The following ZSCAN5A variants were observed in gnomAD, a reference collection of about 807,000 sequenced individuals.
ZSCAN5A encodes zinc finger and SCAN domain containing 5A, also known as zinc finger and SCAN domain-containing protein 5A.
In ZSCAN5A, 12 loss-of-function variants were observed where a neutral mutation model predicts 23.7. That is an observed-to-expected ratio of 0.51 (90% confidence interval 0.32 to 0.82). ZSCAN5A has a LOEUF of 0.82. Among genes scored for constraint, ZSCAN5A ranks in the 40% least tolerant of loss-of-function variants. ZSCAN5A has a pLI of 0.03. For synonymous variants in ZSCAN5A, 257 were observed against 239.9 expected, an observed-to-expected ratio of 1.07 and a Z score of -0.66; for missense variants, 597 against 617.9, an observed-to-expected ratio of 0.97 and a Z score of 0.36.
At position 56,255,128 on chromosome 19, in the gene ZSCAN5A, T is replaced by C. The variant is rs564292422; in HGVS notation, c.-127-29955A>G. ...AAATGGCACGTTATCAGTTTATGATTTGTCGTGTTCTGACATTTTCACAGG... is the reference window on the plus strand; with the variant it reads ...AAATGGCACGTTATCAGTTTATGATCTGTCGTGTTCTGACATTTTCACAGG... On this transcript the variant is annotated intron_variant, in intron 2 of 5. Transcript: ENST00000683990. 5.3e-5 allele frequency among the ~76,000 whole-genome samples: 8 copies of C among 152,280 alleles called. No individual in the cohort carries two copies. The South Asian group carries it at 1.7e-3, about 32-fold the overall frequency.
At chr19:56,249,104 T>C (rs2036164583) in intron 2 of ZSCAN5A, among the ~76,000 whole-genome samples, 2 of 152,098 alleles carry the variant, frequency 1.3e-5, no homozygotes, top group African/African-American at 4.8e-5. Flanking sequence ...AATTCCTGAT[T>C]TGAATCTTGA....
rs535749456 is a variant in ZSCAN5A, at chr19:56,267,607, C to G, written c.-127-42434G>C. Among the ~76,000 whole-genome samples, 365 of 152,324 alleles carry G rather than the reference C, an allele frequency of 2.4e-3. 3 individuals are homozygous for G. The highest frequency in any genetic ancestry group is 3.4e-3 in the Middle Eastern group (1 of 294). ...TGGGTAGCACGGATACAGGACATTC[C>G]TATCACTGCAGAAAGTTCTACTGGA... On this transcript the variant is annotated intron_variant, in intron 2 of 5. Transcript: ENST00000683990.
intron 2 of ZSCAN5A, chr19:56,302,949 A>T: frequency 1.0e-5 from 4 of 398,388 alleles, no homozygotes; most frequent in Non-Finnish European, 1.8e-5. Context: ...CCACAGAGAG[A>T]ACCAGATCAC....
intron 2 of ZSCAN5A, among the ~76,000 whole-genome samples, chr19:56,356,528 A>AAT (rs2041701573): frequency 6.8e-6 from 1 of 148,048 alleles, no homozygotes; most frequent in South Asian, 2.2e-4. Context: ...ACAGGCTGTT[A>AAT]ATATCCTTCT....
At chr19:56,252,277 T>C (rs1207112373) in intron 2 of ZSCAN5A, among the ~76,000 whole-genome samples, 1 of 152,162 alleles carries the variant, frequency 6.6e-6, no homozygotes, top group East Asian at 1.9e-4. Flanking sequence ...CAGGTGCACC[T>C]ACCCAAACCT....
At chr19:56,333,856 A>ATAT (rs1555812269) in intron 2 of ZSCAN5A, among the ~76,000 whole-genome samples, 27 of 150,272 alleles carry the variant, frequency 1.8e-4, no homozygotes, top group East Asian at 9.7e-4. Context: ...GAAAAAGAAA[A>ATAT]ATATATATAT....
chr19:56,341,702 C>CAAAAAAAAAAAAAA (rs1175628460), intron 2 of ZSCAN5A, among the ~76,000 whole-genome samples: 17 of 53,788 alleles, frequency 3.2e-4, no homozygotes, highest in African/African-American at 9.3e-4. Context: ...TACCAAAAGG[C>CAAAAAAAAAAAAAA]AAAAAAAAAA....
chr19:56,245,031 C>T (rs1325520019), intron 2 of ZSCAN5A, among the ~76,000 whole-genome samples: 3 of 152,160 alleles, frequency 2.0e-5, no homozygotes, highest in East Asian at 3.9e-4. Flanking sequence ...ATCTAAAGGA[C>T]TCATATTTAT....
At chr19:56,222,840 T>C in intron 4 of ZSCAN5A, 99 bp from the exon 5 acceptor site, 1 of 1,541,884 alleles carries the variant, frequency 6.5e-7, no homozygotes. Flanking sequence ...ACTCTTCTAA[T>C]GACACAGGTG....
intron 2 of ZSCAN5A, among the ~76,000 whole-genome samples, chr19:56,284,606 C>G (rs2038967922): frequency 6.6e-6 from 1 of 151,184 alleles, no homozygotes; most frequent in African/African-American, 2.4e-5. Context: ...CCTCTGCCTC[C>G]CGGGTTCATG....
intron 2 of ZSCAN5A, chr19:56,266,845 G>A (rs909851499): frequency 1.3e-5 from 2 of 152,180 alleles, no homozygotes; most frequent in African/African-American, 2.4e-5. Context: ...AGACAAAGAG[G>A]AATGTTCCTG....
chr19:56,252,963 G>A (rs2036453702), intron 2 of ZSCAN5A, among the ~76,000 whole-genome samples: 2 of 152,230 alleles, frequency 1.3e-5, no homozygotes, highest in African/African-American at 4.8e-5. Context: ...GCGCAGTGGC[G>A]CCTCTTCCTC....
chr19:56,294,363 C>A (rs1417094993), intron 2 of ZSCAN5A, among the ~76,000 whole-genome samples: 2 of 152,212 alleles, frequency 1.3e-5, no homozygotes, highest in African/African-American at 4.8e-5. Context: ...AACTCTACTC[C>A]CATCATCTAT....
chr19:56,304,700 G>C, intron 2 of ZSCAN5A: 1 of 723,308 alleles, frequency 1.4e-6, no homozygotes, highest in South Asian at 6.2e-5. Context: ...AGAAGCGAGA[G>C]GGGGATGGGG....
chr19:56,252,003 TAAAG>T (rs1436573004), intron 2 of ZSCAN5A, among the ~76,000 whole-genome samples: 1 of 152,176 alleles, frequency 6.6e-6, no homozygotes. Flanking sequence ...ACCTCCAAAA[TAAAG>T]ATTTATTGAC....
chr19:56,314,529 G>A (rs2041244801), intron 1 of ZSCAN5A, 152 bp downstream of exon 1: 1 of 152,272 alleles, frequency 6.6e-6, no homozygotes, highest in Admixed American at 6.6e-5. Context: ...AACTCCTCCA[G>A]TCCCATCCCC....
intron 2 of ZSCAN5A, among the ~76,000 whole-genome samples, chr19:56,362,615 A>G (rs148099337): frequency 6.6e-6 from 1 of 152,286 alleles, no homozygotes; most frequent in East Asian, 1.9e-4. Flanking sequence ...CACGCCTGTA[A>G]TCCTAGCACT....
At chr19:56,328,475 C>T (rs950516196) in intron 2 of ZSCAN5A, among the ~76,000 whole-genome samples, 2 of 149,950 alleles carry the variant, frequency 1.3e-5, no homozygotes, top group Non-Finnish European at 3.0e-5. Context: ...GAAACCCCAT[C>T]TCTACTAAAT....
At chr19:56,249,871 G>A (rs1006996037) in intron 2 of ZSCAN5A, among the ~76,000 whole-genome samples, 1 of 152,132 alleles carries the variant, frequency 6.6e-6, no homozygotes, top group African/African-American at 2.4e-5. Context: ...AATAACCTGA[G>A]CATCTGCATT....
Sources: gnomAD v4.1 joint callset for allele counts (sites outside exome capture counted in the v4.1 genomes callset) on GRCh38, gnomAD v4.1.1 for gene constraint, MANE v1.5 for transcripts, NCBI Gene and HGNC (gene_info 2026-07-23, HGNC 2026-07-21) for gene names.